The following ELK3 variants were observed in gnomAD, a reference collection of about 807,000 sequenced individuals.
ELK3 encodes the protein ETS transcription factor ELK3.
In ELK3, 10 loss-of-function variants were observed where a neutral mutation model predicts 28.9. That is an observed-to-expected ratio of 0.35 (90% CI 0.21 to 0.59). ELK3 has a LOEUF of 0.59. ELK3 is among the 20% of genes least tolerant of loss of function. The pLI, the probability that ELK3 is intolerant of heterozygous loss-of-function variation, is 0.82. For synonymous variants in ELK3, 272 were observed against 243.5 expected (o/e 1.12, Z -1.09); for missense variants, 463 against 517.3 (o/e 0.90, Z 1.02).
rs375484403 is a variant in ELK3 at position 96,218,905 on chromosome 12, C to T, written c.-2-4660C>T. ...CCTTGTGATCCGCCCGCCTCGGCCT[C>T]GCAAAGTGCTGGGATTACAGGCGTG... On this transcript the variant is annotated intron_variant, in intron 1 of 4. Coordinates refer to ENST00000228741, the MANE Select transcript of ELK3 (RefSeq NM_005230.4). Among the ~76,000 whole-genome samples the T allele has an allele frequency of 3.3e-5, 5 of 152,242 alleles. No individual in the cohort carries two copies. In the East Asian group the frequency reaches 5.8e-4, roughly 18 times the overall value.
At chr12:96,259,624 G>A (rs1951978010) in intron 3 of ELK3, 107 bp from the exon 4 acceptor site, 14 of 1,299,482 alleles carry the variant, frequency 1.1e-5, no homozygotes, top group East Asian at 1.0e-4. Flanking sequence ...TGGTAAGGTC[G>A]TTTCCTGGCC....
At chr12:96,194,881 G>A (rs1456273058) in intron 1 of ELK3, among the ~76,000 whole-genome samples, 176 bp downstream of exon 1, 1 of 145,152 alleles carries the variant, frequency 6.9e-6, no homozygotes, top group Non-Finnish European at 1.5e-5. Context: ...CGGCCGCGGG[G>A]AGGGGGCGCC....
At chr12:96,260,794 CTG>C (rs1238553785) in intron 4 of ELK3, among the ~76,000 whole-genome samples, 1 of 152,228 alleles carries the variant, frequency 6.6e-6, no homozygotes, top group African/African-American at 2.4e-5. Flanking sequence ...TCGTCCCTGC[CTG>C]TATCCTGTGC....
chr12:96,229,118 C>T (rs531137672), intron 2 of ELK3, among the ~76,000 whole-genome samples: 4 of 152,116 alleles, frequency 2.6e-5, no homozygotes, highest in Admixed American at 6.5e-5. Context: ...AAATGCTAGA[C>T]GAGTGAACAA....
intron 1 of ELK3, among the ~76,000 whole-genome samples, chr12:96,220,245 T>G (rs1027367730): frequency 6.6e-6 from 1 of 152,062 alleles, no homozygotes; most frequent in Admixed American, 6.5e-5. Flanking sequence ...TTTTGTCCTT[T>G]TTCTTTCTTT....
At position 96,241,711 on chromosome 12, in the gene ELK3, C is replaced by T. The variant is rs1458347060; in HGVS notation, c.208-5229C>T. 7.9e-5 allele frequency among the ~76,000 whole-genome samples: 12 copies of T among 152,292 alleles called. No homozygotes were observed. The South Asian group carries it at 2.5e-3, about 32-fold the overall frequency. On this transcript the variant is annotated intron_variant, in intron 2 of 4. Coordinates refer to ENST00000228741, the MANE Select transcript of ELK3 (RefSeq NM_005230.4). ...AAGGGTTCTTCTGCACAGGTCTGCC[C>T]GGAATCCTGTCCCAAAGGGACGACT...
intron 2 of ELK3, among the ~76,000 whole-genome samples, chr12:96,227,272 C>A (rs1951709578): frequency 2.0e-5 from 3 of 152,052 alleles, no homozygotes; most frequent in Admixed American, 2.0e-4. Flanking sequence ...TCCTCACTAA[C>A]ATTCATCCAG....
At chr12:96,207,397 A>G (rs1057416348) in intron 1 of ELK3, among the ~76,000 whole-genome samples, 1 of 152,210 alleles carries the variant, frequency 6.6e-6, no homozygotes, top group Non-Finnish European at 1.5e-5. Context: ...TGCAGTTAAA[A>G]TCCCACACAC....
In ELK3 at chr12:96,220,493, T is replaced by G. The variant is rs144595027; in HGVS notation, c.-2-3072T>G. Among the ~76,000 whole-genome samples the G allele has an allele frequency of 6.9e-4, 104 of 151,130 alleles. 1 individual carries two copies. In the East Asian group the frequency reaches 0.02, roughly 29 times the overall value. On this transcript the variant is annotated intron_variant, in intron 1 of 4. Transcript: ENST00000228741. ...ACCTCTGCCTCCTGGGTTCAAGCTA[T>G]TCTCCTGCCTCAGCCTCCCAAGTAG... is the stretch of plus-strand genomic sequence containing the variant.
intron 2 of ELK3, among the ~76,000 whole-genome samples, chr12:96,234,895 A>G (rs972878999): frequency 6.6e-6 from 1 of 152,174 alleles, no homozygotes; most frequent in African/African-American, 2.4e-5. Flanking sequence ...CCCAGACTTG[A>G]GTCCTGTATG....
At chr12:96,260,957 G>C (rs1951988724) in intron 4 of ELK3, among the ~76,000 whole-genome samples, 1 of 152,174 alleles carries the variant, frequency 6.6e-6, no homozygotes, top group Non-Finnish European at 1.5e-5. Flanking sequence ...CCTGTTCACT[G>C]TGGTGTCCCC....
At chr12:96,194,951 G>A (rs1951452344) in intron 1 of ELK3, among the ~76,000 whole-genome samples, 1 of 149,586 alleles carries the variant, frequency 6.7e-6, no homozygotes, top group Non-Finnish European at 1.5e-5. Flanking sequence ...CGCCGGGCCC[G>A]GGGCTGCGGG....
intron 2 of ELK3, among the ~76,000 whole-genome samples, chr12:96,245,032 C>T (rs756615715): frequency 3.3e-4 from 50 of 152,240 alleles, no homozygotes; most frequent in Non-Finnish European, 5.9e-4. Context: ...AAGGTGGCCG[C>T]GGCCACTGGA....
intron 2 of ELK3, among the ~76,000 whole-genome samples, chr12:96,232,907 G>A (rs1458574154): frequency 6.6e-6 from 1 of 152,184 alleles, no homozygotes; most frequent in Non-Finnish European, 1.5e-5. Context: ...AGTAGAGGCT[G>A]CAGTGAGCTC....
In ELK3 at chr12:96,208,309, C is replaced by T. The variant is rs536394947; in HGVS notation, c.-3+13604C>T. On this transcript the variant is annotated intron_variant, in intron 1 of 4. Transcript: ENST00000228741. Reference sequence around the variant, plus strand: ...TCAGGTGATCCACCCACCCCGGCCTCCCAAATTGCTGGGATTACAGGCGTT... The same window carrying T: ...TCAGGTGATCCACCCACCCCGGCCTTCCAAATTGCTGGGATTACAGGCGTT... Among the ~76,000 whole-genome samples, 13 of 152,340 alleles carry T rather than the reference C, an allele frequency of 8.5e-5. No individual in the cohort carries two copies. In the South Asian group the frequency reaches 2.7e-3, roughly 32 times the overall value.
rs934947093 is a variant in ELK3 at position 96,269,724 on chromosome 12, C to A, written c.*2544C>A. 1 of 152,180 alleles carries A rather than the reference C, an allele frequency of 6.6e-6. No homozygotes were observed. Among genetic ancestry groups the A allele is most frequent in the African/African-American group, 2.4e-5 (1 of 41,432 alleles). The allele number at this position is 152,180 out of a possible 1,614,324, so 9.4% of individuals were successfully genotyped here. A position where few individuals can be genotyped will look rare whatever the true frequency, so the allele number is the denominator to read the frequency against. ...AGAACTATATAACCTGAATGTTGGTCTCTTTGTACACATCTTTTCTATGAC... is the reference window on the plus strand; with the variant it reads ...AGAACTATATAACCTGAATGTTGGTATCTTTGTACACATCTTTTCTATGAC... On this transcript the variant is annotated 3_prime_UTR_variant, in exon 5 of 5. Transcript: ENST00000228741.
intron 3 of ELK3, among the ~76,000 whole-genome samples, chr12:96,251,168 T>C (rs1241784443): frequency 1.3e-5 from 2 of 152,216 alleles, no homozygotes; most frequent in Non-Finnish European, 2.9e-5. Flanking sequence ...AACTTTTTCC[T>C]TACTATTATG....
At position 96,220,382 on chromosome 12, in the gene ELK3, A is replaced by ATTTT. The variant is rs35309478; in HGVS notation, c.-2-3164_-2-3161dup. 2.8e-3 allele frequency among the ~76,000 whole-genome samples: 278 copies of ATTTT among 100,302 alleles called. 3 individuals carry two copies. Among genetic ancestry groups the ATTTT allele is most frequent in the African/African-American group, 9.6e-3 (237 of 24,596 alleles). 65.8% of individuals were successfully genotyped at this position (100,302 alleles called of 152,430 possible). ...ACACCTAGTAGCATACTTTTTCGTG[A>ATTTT]TTTTTTTTTTTTTTTTTTTTTTGAG... On this transcript the variant is annotated intron_variant, in intron 1 of 4. Coordinates refer to ENST00000228741, the MANE Select transcript of ELK3 (RefSeq NM_005230.4).
At chr12:96,261,078 T>C (rs1302365262) in intron 4 of ELK3, among the ~76,000 whole-genome samples, 2 of 152,216 alleles carry the variant, frequency 1.3e-5, no homozygotes, top group Non-Finnish European at 2.9e-5. Flanking sequence ...CAAGTCTTCA[T>C]GATCATCTGA....
Sources: gnomAD v4.1 joint callset for allele counts (sites outside exome capture counted in the v4.1 genomes callset) on GRCh38, gnomAD v4.1.1 for gene constraint, MANE v1.5 for transcripts, NCBI Gene and HGNC (gene_info 2026-07-23, HGNC 2026-07-21) for gene names.